The following GPC6 variants were observed in gnomAD, a reference collection of about 807,000 sequenced individuals.
GPC6 encodes glypican 6, also known as glypican-6.
In GPC6, 14 loss-of-function variants were observed where a neutral mutation model predicts 55.2. The ratio of observed to expected loss-of-function variants is 0.25; its 90% CI spans 0.17 to 0.40. The LOEUF is 0.40. Among genes scored for constraint, GPC6 ranks in the 10% least tolerant of loss-of-function variants. GPC6 has a pLI of 1.00. For synonymous variants in GPC6, 278 were observed against 259.6 expected, an observed-to-expected ratio of 1.07 and a Z score of -0.68; for missense variants, 641 against 708.5, an observed-to-expected ratio of 0.90 and a Z score of 1.08.
At chr13:93,348,513 A>C (rs546206111) in intron 1 of GPC6, among the ~76,000 whole-genome samples, 1 of 152,302 alleles carries the variant, frequency 6.6e-6, no homozygotes, top group East Asian at 1.9e-4. Flanking sequence ...GATGAGGTTA[A>C]TTGTTACCCT....
chr13:93,507,406 G>A (rs1436348235), intron 1 of GPC6, among the ~76,000 whole-genome samples: 1 of 151,976 alleles, frequency 6.6e-6, no homozygotes, highest in Non-Finnish European at 1.5e-5. Flanking sequence ...TTTAATCAAC[G>A]AAGATGCAAC....
chr13:93,410,203 A>G (rs1876443495), intron 1 of GPC6, among the ~76,000 whole-genome samples: 2 of 152,190 alleles, frequency 1.3e-5, no homozygotes, highest in African/African-American at 2.4e-5. Context: ...GGAATCTTTT[A>G]ATTCCTAAAA....
intron 3 of GPC6, among the ~76,000 whole-genome samples, chr13:93,988,882 G>T (rs537626275): frequency 3.9e-4 from 60 of 152,054 alleles, no homozygotes; most frequent in Admixed American, 2.6e-3. Context: ...ATATGTTAAA[G>T]GTAAAAATAA....
intron 3 of GPC6, among the ~76,000 whole-genome samples, chr13:93,996,859 A>G (rs1881579275): frequency 6.6e-6 from 1 of 152,144 alleles, no homozygotes; most frequent in Admixed American, 6.5e-5. Context: ...ATACATATAG[A>G]ATTGGGATTA....
intron 4 of GPC6, among the ~76,000 whole-genome samples, chr13:94,162,363 A>T (rs1888198205): frequency 6.6e-6 from 1 of 152,206 alleles, no homozygotes; most frequent in African/African-American, 2.4e-5. Flanking sequence ...GTCCAGCAGG[A>T]AACACAGTCT....
chr13:93,467,920 A>G (rs1035952631), intron 1 of GPC6, among the ~76,000 whole-genome samples: 2 of 151,968 alleles, frequency 1.3e-5, no homozygotes, highest in Non-Finnish European at 2.9e-5. Context: ...GTAACCTTCT[A>G]AGTGTTTGAT....
intron 2 of GPC6, among the ~76,000 whole-genome samples, chr13:93,754,853 A>G (rs1290433377): frequency 6.6e-6 from 1 of 152,178 alleles, no homozygotes; most frequent in Non-Finnish European, 1.5e-5. Context: ...CTTGGCTACT[A>G]CAAAGCCTGA....
At chr13:93,740,799 C>G (rs1227283242) in intron 2 of GPC6, among the ~76,000 whole-genome samples, 2 of 152,244 alleles carry the variant, frequency 1.3e-5, no homozygotes, top group Non-Finnish European at 1.5e-5. Flanking sequence ...ATACAAGACT[C>G]AAACAGTCTG....
intron 2 of GPC6, among the ~76,000 whole-genome samples, chr13:93,553,657 T>G (rs1230190454): frequency 1.5e-5 from 2 of 131,458 alleles, no homozygotes; most frequent in Non-Finnish European, 3.1e-5. Context: ...ATTGTGCCAT[T>G]GCACTCCAGC....
At chr13:93,597,829 T>C (rs1057176135) in intron 2 of GPC6, among the ~76,000 whole-genome samples, 47 of 152,136 alleles carry the variant, frequency 3.1e-4, no homozygotes, top group African/African-American at 1.1e-3. Flanking sequence ...AGGGTTTTAA[T>C]AGTTATGCTT....
intron 4 of GPC6, among the ~76,000 whole-genome samples, chr13:94,213,155 C>CA (rs1304494530): frequency 1.3e-5 from 2 of 152,090 alleles, no homozygotes; most frequent in Non-Finnish European, 2.9e-5. Flanking sequence ...GACTGTGTCT[C>CA]AAAAAACAAA....
At chr13:94,263,141 AT>A (rs1426056619) in intron 4 of GPC6, among the ~76,000 whole-genome samples, 2 of 152,234 alleles carry the variant, frequency 1.3e-5, no homozygotes, top group Non-Finnish European at 2.9e-5. Flanking sequence ...AAGTAGCCTC[AT>A]TTGTAAACAA....
At chr13:93,821,020 A>G (rs1887028774) in intron 2 of GPC6, among the ~76,000 whole-genome samples, 1 of 152,214 alleles carries the variant, frequency 6.6e-6, no homozygotes, top group Non-Finnish European at 1.5e-5. Flanking sequence ...CCTGACTACA[A>G]GAATTTAAAG....
chr13:93,609,886 T>C (rs1166140679), intron 2 of GPC6, among the ~76,000 whole-genome samples: 1 of 152,220 alleles, frequency 6.6e-6, no homozygotes, highest in Non-Finnish European at 1.5e-5. Context: ...GACTGTCTTA[T>C]GATAAAGCAA....
intron 2 of GPC6, among the ~76,000 whole-genome samples, chr13:93,620,745 C>T (rs956268197): frequency 6.6e-6 from 1 of 152,150 alleles, no homozygotes; most frequent in African/African-American, 2.4e-5. Flanking sequence ...GCAGAATTCC[C>T]TTTGATGAAC....
intron 1 of GPC6, among the ~76,000 whole-genome samples, chr13:93,376,895 C>T (rs9524029): frequency 0.14 from 21,070 of 151,474 alleles, 2,214 homozygotes; most frequent in East Asian, 0.53. Context: ...CTGCTTCATT[C>T]GTGAATGCTT....
rs1010937441 is a variant in GPC6, at chr13:93,601,795, G to A, written c.319+56374G>A. Reference sequence around the variant, plus strand: ...GGCTTCTTCTCCTTTTGAGAGAGAAGTCTCCTCTCTCAATTAAATGTGCTA... The same window carrying A: ...GGCTTCTTCTCCTTTTGAGAGAGAAATCTCCTCTCTCAATTAAATGTGCTA... On this transcript the variant is annotated intron_variant, in intron 2 of 8. Transcript: ENST00000377047. 1.4e-4 allele frequency among the ~76,000 whole-genome samples: 21 copies of A among 152,364 alleles called. 1 individual carries two copies. The East Asian group carries it at 4.1e-3, about 29-fold the overall frequency.
At chr13:94,386,435 A>T (rs1880413418) in intron 7 of GPC6, among the ~76,000 whole-genome samples, 2 of 151,386 alleles carry the variant, frequency 1.3e-5, no homozygotes, top group African/African-American at 2.4e-5. Context: ...TACAAAAAAT[A>T]TTAAAGTAGC....
In GPC6 at chr13:93,489,546, A is replaced by G. The variant is rs113874218; in HGVS notation, c.161-55717A>G. ...GCTTGATGGGGATGGCATTGAATCT[A>G]TAAATTACCTTGGGCAGTATGGCCA... On this transcript the variant is annotated intron_variant, in intron 1 of 8. Coordinates refer to ENST00000377047, the MANE Select transcript of GPC6 (RefSeq NM_005708.5). Among the ~76,000 whole-genome samples, 3 of 151,034 alleles carry G rather than the reference A, an allele frequency of 2.0e-5. 1 individual carries two copies. Among genetic ancestry groups the G allele is most frequent in the East Asian group, 4.5e-4 (2 of 4,462 alleles).
Sources: gnomAD v4.1 joint callset for allele counts (sites outside exome capture counted in the v4.1 genomes callset) on GRCh38, gnomAD v4.1.1 for gene constraint, MANE v1.5 for transcripts, NCBI Gene and HGNC (gene_info 2026-07-23, HGNC 2026-07-21) for gene names.